KIF1A: variants seen among roughly 807,000 people sequenced by gnomAD.
The protein encoded by KIF1A is kinesin-like protein KIF1A.
In KIF1A, 46 loss-of-function variants were observed where a neutral mutation model predicts 227.3. The observed-to-expected ratio is 0.20, with a 90% CI of 0.16 to 0.26. The LOEUF is 0.26. Among genes scored for constraint, KIF1A ranks in the 10% least tolerant of loss-of-function variants. The pLI, the probability that KIF1A is intolerant of heterozygous loss-of-function variation, is 1.00. For synonymous variants in KIF1A, 1,022 were observed against 1,012.8 expected (o/e 1.01, Z -0.17); for missense variants, 1,683 against 2,485.9 (o/e 0.68, Z 6.87).
At chr2:240,731,940 GGGGGAGGA>G (rs2046682659) in intron 38 of KIF1A, among the ~76,000 whole-genome samples, 1 of 116,950 alleles carries the variant, frequency 8.6e-6, no homozygotes, top group Non-Finnish European at 1.8e-5. Context: ...ATGAGGGATG[GGGGGAGGA>G]GGGGAGGAGA....
chr2:240,772,484 AC>A (rs2052142984), intron 14 of KIF1A, 85 bp downstream of exon 14: 7 of 1,194,936 alleles, frequency 5.9e-6, no homozygotes, highest in African/African-American at 1.5e-5. Context: ...CCTGGGGTTC[AC>A]CCCTCCCTGA....
chr2:240,740,510 A>T lies in KIF1A; in HGVS notation c.3750-146T>A. 1 of 686,698 alleles carries T rather than the reference A, an allele frequency of 1.5e-6. No homozygotes were observed. The highest frequency in any genetic ancestry group is 2.6e-6 in the Non-Finnish European group (1 of 388,518). 42.5% of individuals were successfully genotyped at this position (686,698 alleles called of 1,614,324 possible). A position where few individuals can be genotyped will look rare whatever the true frequency, so the allele number is the denominator to read the frequency against. ...TCAGGTGGTCTGATCCATGGAGACCACGGTCAGCTGAGCACAGAAACCCAC... is the reference window on the plus strand; with the variant it reads ...TCAGGTGGTCTGATCCATGGAGACCTCGGTCAGCTGAGCACAGAAACCCAC... On this transcript the variant is annotated intron_variant, in intron 35 of 48. Coordinates refer to ENST00000498729, the MANE Select transcript of KIF1A (RefSeq NM_001244008.2). This position sits in a 1 kb window ranked among gnomAD's most constrained non-coding sequence, Gnocchi z 6.1.
intron 1 of KIF1A, among the ~76,000 whole-genome samples, chr2:240,802,746 C>A (rs1464424299): frequency 1.3e-5 from 2 of 152,212 alleles, no homozygotes; most frequent in Non-Finnish European, 2.9e-5. Context: ...ATCCTCCTGC[C>A]TCAGCTTCTT....
chr2:240,785,232 G>A, intron 6 of KIF1A, 132 bp from the exon 7 acceptor site: 1 of 713,584 alleles, frequency 1.4e-6, no homozygotes. Context: ...CGCCCTGCTG[G>A]GCCTGGCACT....
At chr2:240,772,187 C>A (rs2052095519) in intron 14 of KIF1A, among the ~76,000 whole-genome samples, 2 of 152,302 alleles carry the variant, frequency 1.3e-5, no homozygotes, top group South Asian at 2.1e-4. Context: ...CAGGACAGTC[C>A]CTCCAGCCCT....
chr2:240,783,697 C>G, intron 8 of KIF1A, 42 bp downstream of exon 8: 1 of 1,501,778 alleles, frequency 6.7e-7, no homozygotes, highest in Non-Finnish European at 9.1e-7. Flanking sequence ...TGGAGCAGGC[C>G]AAATGTGGAC....
upstream of KIF1A, among the ~76,000 whole-genome samples, chr2:240,821,138 C>CG (rs1051340989): frequency 1.1e-4 from 17 of 152,212 alleles, no homozygotes; most frequent in Admixed American, 3.9e-4. Context: ...CCCCGCACTG[C>CG]GGTGCGGGGG....
At chr2:240,738,034 G>A (rs1575548865) in intron 37 of KIF1A, among the ~76,000 whole-genome samples, 2 of 152,190 alleles carry the variant, frequency 1.3e-5, no homozygotes, top group African/African-American at 4.8e-5. Context: ...CCAGCAAAGT[G>A]CCCTTCCCCA....
At chr2:240,741,029 T>G (rs916367222) in intron 35 of KIF1A, among the ~76,000 whole-genome samples, 2 of 152,104 alleles carry the variant, frequency 1.3e-5, no homozygotes, top group Admixed American at 1.3e-4. Context: ...ATGGGGACAC[T>G]AATTCAGGTG....
intron 38 of KIF1A, among the ~76,000 whole-genome samples, chr2:240,732,022 AG>A: frequency 1.2e-5 from 1 of 82,444 alleles, no homozygotes; most frequent in African/African-American, 4.7e-5. Context: ...GGAGGGAATG[AG>A]GGGAGGAGGG....
chr2:240,722,258 A>C (rs1348136588), intron 43 of KIF1A, among the ~76,000 whole-genome samples, 198 bp downstream of exon 43: 1 of 152,180 alleles, frequency 6.6e-6, no homozygotes, highest in Non-Finnish European at 1.5e-5. Context: ...GGGAGGCTGC[A>C]AAAGGCACCC....
chr2:240,769,063 T>C, intron 17 of KIF1A, 70 bp downstream of exon 17: 2 of 1,386,654 alleles, frequency 1.4e-6, no homozygotes, highest in Non-Finnish European at 2.0e-6. Context: ...CCTCTGGCTC[T>C]ACCTGAGACA....
intron 47 of KIF1A, 79 bp downstream of exon 47, chr2:240,718,927 A>G (rs1175502223): frequency 9.2e-6 from 11 of 1,189,356 alleles, no homozygotes; most frequent in Admixed American, 1.9e-5. Context: ...GCTCTGACGC[A>G]GGGCTGCAGA....
intron 1 of KIF1A, among the ~76,000 whole-genome samples, chr2:240,818,461 T>C (rs1172855654): frequency 1.3e-5 from 2 of 152,118 alleles, no homozygotes; most frequent in South Asian, 2.1e-4. Context: ...ACGGTGTGTG[T>C]TCAGTGCAAG....
intron 1 of KIF1A, chr2:240,818,738 G>A (rs74000011): frequency 0.4 from 61,566 of 152,236 alleles, 13,045 homozygotes; most frequent in Admixed American, 0.57. Context: ...CAGCCTGAGT[G>A]CGACCTGGTG....
rs1175154317 is a variant in KIF1A at position 240,786,469 on chromosome 2, C to T, written c.474G>A (p.Leu158=). The T allele has an allele frequency of 6.2e-7, 1 of 1,613,454 alleles. No homozygotes were observed. The highest frequency in any genetic ancestry group is 2.2e-5 in the East Asian group (1 of 44,880). Residue 158 remains leucine (L), a synonymous_variant, in exon 6 of 49, where the codon CTG becomes CTA. Coordinates refer to ENST00000498729, the MANE Select transcript of KIF1A (RefSeq NM_001244008.2). ...EIYCERVRDL[L]NPKNKGNLRV... is the part of the protein sequence containing the mutation. ...GAAGGTTGCCCTTGTTCTTGGGGTTCAGGAGGTCACGGACGCGCTCACAGT... is the reference window on the plus strand; with the variant it reads ...GAAGGTTGCCCTTGTTCTTGGGGTTTAGGAGGTCACGGACGCGCTCACAGT...
chr2:240,798,667 G>T (rs937457893), intron 1 of KIF1A, among the ~76,000 whole-genome samples: 1 of 152,220 alleles, frequency 6.6e-6, no homozygotes, highest in African/African-American at 2.4e-5. Flanking sequence ...CCGCAAAACA[G>T]TGACGAAGCA....
Position 240,775,999 on chromosome 2 carries a change from G to C in KIF1A, c.883-73C>G. On this transcript the variant is annotated intron_variant, in intron 10 of 48. Transcript: ENST00000498729. The surrounding 1 kb of genome is among the most constrained non-coding windows in gnomAD (Gnocchi z 5.5). ...AAGCGAAAGGGAGGGGCCAGCGCAG[G>C]CCCTGCCAAGTGGGTCCTCAAAGCT... 1 of 1,038,094 alleles carries C rather than the reference G, an allele frequency of 9.6e-7. No homozygotes were observed. The allele number at this position is 1,038,094 out of a possible 1,614,324, so 64.3% of individuals were successfully genotyped here.
intron 38 of KIF1A, among the ~76,000 whole-genome samples, chr2:240,734,981 G>A (rs1173980026): frequency 2.0e-4 from 30 of 152,204 alleles, no homozygotes; most frequent in Admixed American, 2.0e-3. Flanking sequence ...ACGTCAGGGA[G>A]AGCGGCCTTG....
Sources: allele counts gnomAD v4.1 joint callset (sites outside exome capture counted in the v4.1 genomes callset), GRCh38; gene constraint gnomAD v4.1.1; non-coding constraint Gnocchi (gnomAD v3.1); transcripts MANE v1.5; gene names NCBI Gene and HGNC (gene_info 2026-07-23, HGNC 2026-07-21).